The following RNF213 variants were observed in gnomAD, a reference collection of about 807,000 sequenced individuals.
RNF213 encodes the protein E3 ubiquitin-protein ligase RNF213.
In RNF213, 341 loss-of-function variants were observed where a neutral mutation model predicts 514.4. The ratio of observed to expected loss-of-function variants is 0.66; its 90% CI spans 0.61 to 0.73. RNF213 has a LOEUF of 0.73. Among genes scored for constraint, RNF213 ranks in the 30% least tolerant of loss-of-function variants. The pLI is 0.00. For synonymous variants in RNF213, 2,655 were observed against 2,658.2 expected (o/e 1.00, Z 0.04); for missense variants, 5,767 against 6,615.6 (o/e 0.87, Z 4.45).
chr17:80,396,403 G>C lies in RNF213; in HGVS notation c.*2905G>C, dbSNP rs1274949460. 6.6e-6 allele frequency: 1 copy of C among 152,160 alleles called. No individual in the cohort carries two copies. The highest frequency in any genetic ancestry group is 1.5e-5 in the Non-Finnish European group (1 of 68,046). 9.4% of individuals were successfully genotyped at this position (152,160 alleles called of 1,614,324 possible). A position where few individuals can be genotyped will look rare whatever the true frequency, so the allele number is the denominator to read the frequency against. ...TGTATGTTCAGGCAATTCCAATTTA[G>C]AAACAAACTTCCAGTGATAAATATT... On this transcript the variant is annotated 3_prime_UTR_variant, in exon 68 of 68. Transcript: ENST00000582970.
rs1246977155 is a variant in RNF213, at chr17:80,347,696, G to A, written c.9361G>A (p.Val3121Ile). Residue 3121 changes from valine (V) to isoleucine (I), a missense_variant, in exon 29 of 68, where the codon GTC (valine) becomes ATC (isoleucine). By Grantham distance (29) the Val-to-Ile change is conservative. Coordinates refer to ENST00000582970, the MANE Select transcript of RNF213 (RefSeq NM_001256071.3). This position sits in a 1 kb window ranked among gnomAD's most constrained non-coding sequence, Gnocchi z 7.2. ...SLYDALNQYY[V>I]HLGGQKYVDL... The stretch of plus-strand genomic sequence containing the variant: ...CTACGACGCACTCAACCAGTACTAC[G>A]TCCACCTCGGCGGCCAGAAGTACGT... 3.7e-6 allele frequency: 6 copies of A among 1,613,854 alleles called. No individual in the cohort carries two copies. The highest frequency in any genetic ancestry group is 1.7e-5 in the Admixed American group (1 of 59,992).
At chr17:80,282,011 C>T (rs2143096527) in intron 3 of RNF213, among the ~76,000 whole-genome samples, 1 of 152,174 alleles carries the variant, frequency 6.6e-6, no homozygotes, top group South Asian at 2.1e-4. Context: ...CGCCTGCCAC[C>T]ACACCTGGCT....
intron 56 of RNF213, 23 bp downstream of exon 56, chr17:80,381,010 A>T: frequency 6.2e-7 from 1 of 1,613,934 alleles, no homozygotes; most frequent in Non-Finnish European, 8.5e-7. Flanking sequence ...GCTGCCAAAC[A>T]ATGGGCTCAG....
chr17:80,304,691 TG>T (rs1248376669), intron 11 of RNF213, among the ~76,000 whole-genome samples: 1 of 152,140 alleles, frequency 6.6e-6, no homozygotes, highest in Non-Finnish European at 1.5e-5. Context: ...GCTTAATTAT[TG>T]GGGTATATCC....
intron 54 of RNF213, among the ~76,000 whole-genome samples, chr17:80,379,042 G>GGTGCATGCGTGCATGCGTGCATGC (rs111829552): frequency 6.6e-6 from 1 of 151,914 alleles, no homozygotes; most frequent in Non-Finnish European, 1.5e-5. Context: ...AGGGCATGGT[G>GGTGCATGCGTGCATGCGTGCATGC]GTGCATGCGT....
At chr17:80,265,207 C>T (rs1411126428) in intron 2 of RNF213, among the ~76,000 whole-genome samples, 6 of 152,036 alleles carry the variant, frequency 3.9e-5, no homozygotes, top group Non-Finnish European at 7.4e-5. Context: ...CCACCACTCC[C>T]GGCTAATTTC....
In RNF213 at chr17:80,368,088, T is replaced by TA. The variant is rs2079352865; in HGVS notation, c.12101dup (p.Tyr4034Ter). Reference protein sequence around the residue: ...WFASEQMICPYCLTALPDEFS... With the variant: ...WFASEQMICP ...TGCCTCAGAGCAGATGATATGCCCC[T>TA]ACTGTTTAACTGCCTTGCCAGACGA... The change falls in exon 44 of 68, where the codon TAC (tyrosine) becomes TAAC (stop). Residue 4034 changes from tyrosine to a stop codon, truncating the protein, a stop_gained and frameshift_variant. Coordinates refer to ENST00000582970, the MANE Select transcript of RNF213 (RefSeq NM_001256071.3). LOFTEE classifies it high-confidence loss of function. 6.2e-7 allele frequency: 1 copy of TA among 1,614,136 alleles called. No individual in the cohort carries two copies. Among genetic ancestry groups the TA allele is most frequent in the African/African-American group, 1.3e-5 (1 of 74,954 alleles).
At chr17:80,303,371 A>T (rs2045244292) in intron 11 of RNF213, among the ~76,000 whole-genome samples, 1 of 152,122 alleles carries the variant, frequency 6.6e-6, no homozygotes, top group Non-Finnish European at 1.5e-5. Flanking sequence ...GGAGAACTGA[A>T]AGAGACGCCC....
chr17:80,321,358 C>A (rs1041689500), intron 17 of RNF213: 1 of 152,146 alleles, frequency 6.6e-6, no homozygotes, highest in Admixed American at 6.6e-5. Flanking sequence ...GAATGCTCAA[C>A]CTATATTTCA....
At chr17:80,359,388 G>A (rs180831145) in intron 37 of RNF213, among the ~76,000 whole-genome samples, 6 of 151,802 alleles carry the variant, frequency 4.0e-5, no homozygotes, top group Non-Finnish European at 7.4e-5. Context: ...TAGGCATAAC[G>A]TGGTGCGCAC....
At chr17:80,260,939 G>A (rs2043392065) in intron 1 of RNF213, 37 bp downstream of exon 1, 1 of 151,558 alleles carries the variant, frequency 6.6e-6, no homozygotes, top group African/African-American at 2.4e-5. Context: ...GGGGCGGGGA[G>A]CGGGCTAGGA....
intron 3 of RNF213, among the ~76,000 whole-genome samples, chr17:80,274,585 TGTGGGGGGTGA>T (rs2043946907): frequency 3.2e-5 from 1 of 30,850 alleles, no homozygotes; most frequent in African/African-American, 1.3e-4. Context: ...TGCTGTGGTC[TGTGGGGGGTGA>T]GTGGGGTGAG....
At chr17:80,335,639 T>C (rs1004441190) in intron 22 of RNF213, among the ~76,000 whole-genome samples, 22 of 152,104 alleles carry the variant, frequency 1.4e-4, no homozygotes, top group Admixed American at 1.4e-3. Context: ...GCCTGGGACA[T>C]TGAAATTGCT....
At chr17:80,340,609 G>T (rs111604394) in intron 26 of RNF213, 1,422 of 130,186 alleles carry the variant, frequency 0.011, 13 homozygotes, top group Non-Finnish European at 0.013. Flanking sequence ...GTACTTTGTG[G>T]TTTTTTTTTT....
intron 11 of RNF213, among the ~76,000 whole-genome samples, chr17:80,301,607 A>G (rs2045181997): frequency 6.6e-6 from 1 of 152,220 alleles, no homozygotes; most frequent in South Asian, 2.1e-4. Context: ...GGTCTTACCC[A>G]AGTTAGAATA....
In RNF213 at chr17:80,379,894, CTGT is replaced by C. The variant is rs2079917033; in HGVS notation, c.13640+186_13640+188del. On this transcript the variant is annotated intron_variant, in intron 55 of 67. Transcript: ENST00000582970. Reference sequence around the variant, plus strand: ...GTCACACAGCAGGGAGGCATCTGATCTGTTGTTGGATCCCTGGGCCCTGAAATG... The same window carrying C: ...GTCACACAGCAGGGAGGCATCTGATCTGTTGGATCCCTGGGCCCTGAAATG... 23 of 653,884 alleles carry C rather than the reference CTGT, an allele frequency of 3.5e-5. No individual in the cohort carries two copies. In the South Asian group the frequency reaches 3.8e-4, roughly 11 times the overall value. The allele number at this position is 653,884 out of a possible 1,614,324, so 40.5% of individuals were successfully genotyped here.
At chr17:80,265,771 T>A (rs1352172025) in intron 2 of RNF213, among the ~76,000 whole-genome samples, 1 of 152,184 alleles carries the variant, frequency 6.6e-6, no homozygotes, top group Non-Finnish European at 1.5e-5. Context: ...CGTCTGCTGT[T>A]AAAGTGGGGG....
chr17:80,375,638 G>A, intron 50 of RNF213, 122 bp from the exon 51 acceptor site: 2 of 723,492 alleles, frequency 2.8e-6, no homozygotes, highest in Non-Finnish European at 5.0e-6. Context: ...GAGAGGCAGA[G>A]GTTGCAGTGA....
chr17:80,291,466 T>C (rs1187061991), intron 7 of RNF213, among the ~76,000 whole-genome samples, 162 bp from the exon 8 acceptor site: 4 of 151,820 alleles, frequency 2.6e-5, no homozygotes, highest in Non-Finnish European at 4.4e-5. Flanking sequence ...CAAGAAGTCC[T>C]CCCGCCTCAG....
Sources: allele counts gnomAD v4.1 joint callset (sites outside exome capture counted in the v4.1 genomes callset), GRCh38; gene constraint gnomAD v4.1.1; non-coding constraint Gnocchi (gnomAD v3.1); transcripts MANE v1.5; gene names NCBI Gene and HGNC (gene_info 2026-07-23, HGNC 2026-07-21).